The following NFIB variants were observed in gnomAD, a reference collection of about 807,000 sequenced individuals.
NFIB encodes the protein nuclear factor I B, also known as nuclear factor 1 B-type.
In NFIB, 11 loss-of-function variants were observed where a neutral mutation model predicts 61.5. The observed-to-expected ratio is 0.18, with a 90% CI of 0.11 to 0.30. NFIB has a LOEUF of 0.30. Among genes scored for constraint, NFIB ranks in the 10% least tolerant of loss-of-function variants. The pLI is 1.00. For missense variants in NFIB, 471 were observed against 608.9 expected (o/e 0.77, Z 2.38); for synonymous variants, 260 against 216.5 (o/e 1.20, Z -1.76).
chr9:14,262,477 C>T (rs1401628809), intron 2 of NFIB, among the ~76,000 whole-genome samples: 1 of 152,022 alleles, frequency 6.6e-6, no homozygotes, highest in African/African-American at 2.4e-5. Flanking sequence ...TTTGACTGAT[C>T]CAAATTATGG....
the NFIB span, among the ~76,000 whole-genome samples, chr9:14,457,974 T>C: frequency 1.3e-5 from 2 of 152,068 alleles, no homozygotes; most frequent in Admixed American, 6.5e-5. Context: ...CTGAAACTAT[T>C]CCAATCAATA....
At chr9:14,444,689 C>G in the NFIB span, among the ~76,000 whole-genome samples, 1 of 152,138 alleles carries the variant, frequency 6.6e-6, no homozygotes, top group South Asian at 2.1e-4. Context: ...AAATTTTGTC[C>G]TTATCCCCGT....
At chr9:14,509,060 T>C in the NFIB span, among the ~76,000 whole-genome samples, 1 of 152,144 alleles carries the variant, frequency 6.6e-6, no homozygotes, top group East Asian at 1.9e-4. Context: ...TTGAAATGAG[T>C]TGCTTTCCTA....
intron 1 of NFIB, among the ~76,000 whole-genome samples, chr9:14,319,827 T>C (rs2060622901): frequency 6.6e-6 from 1 of 152,170 alleles, no homozygotes; most frequent in Admixed American, 6.5e-5. Flanking sequence ...AATTTCAAAG[T>C]CAAAGCAATG....
the NFIB span, among the ~76,000 whole-genome samples, chr9:14,420,469 A>AAAAAAAAAAG: frequency 6.7e-6 from 1 of 149,416 alleles, no homozygotes; most frequent in African/African-American, 2.5e-5. Context: ...AAAAAAAAAA[A>AAAAAAAAAAG]AGATGCTATC....
chr9:14,277,715 G>A (rs754068436), intron 2 of NFIB, among the ~76,000 whole-genome samples: 1 of 152,056 alleles, frequency 6.6e-6, no homozygotes, highest in East Asian at 1.9e-4. Flanking sequence ...TCAAACAGGG[G>A]GTTCAAATGT....
At chr9:14,337,844 C>A (rs1157150634) in intron 1 of NFIB, among the ~76,000 whole-genome samples, 1 of 152,208 alleles carries the variant, frequency 6.6e-6, no homozygotes, top group African/African-American at 2.4e-5. Flanking sequence ...GCCAAATTCC[C>A]TCAAGGTCAA....
In NFIB at chr9:14,086,335, C is replaced by T. The variant is rs1465787592; in HGVS notation, c.*1974G>A. 4.5e-6 allele frequency: 1 copy of T among 222,036 alleles called. No individual in the cohort carries two copies. Among genetic ancestry groups the T allele is most frequent in the East Asian group, 6.5e-5 (1 of 15,324 alleles). The allele number at this position is 222,036 out of a possible 1,614,324, so 13.8% of individuals were successfully genotyped here. On this transcript the variant is annotated 3_prime_UTR_variant, in exon 11 of 11. Transcript: ENST00000380953. ...CATCACACTGCAAAAATAGCAGTACCCACTTTGGTCAATTAAAACAAACAA... is the reference window on the plus strand; with the variant it reads ...CATCACACTGCAAAAATAGCAGTACTCACTTTGGTCAATTAAAACAAACAA...
the NFIB span, among the ~76,000 whole-genome samples, chr9:14,511,460 G>T: frequency 6.6e-6 from 1 of 151,850 alleles, no homozygotes; most frequent in South Asian, 2.1e-4. Context: ...CAACTATTGA[G>T]TGCTTATTAT....
the NFIB span, among the ~76,000 whole-genome samples, chr9:14,406,358 G>T: frequency 3.7e-4 from 56 of 152,304 alleles, no homozygotes; most frequent in Non-Finnish European, 4.4e-5. Flanking sequence ...ACTCTAGAAG[G>T]GATGTGTTGG....
chr9:14,527,493 A>G, the NFIB span, among the ~76,000 whole-genome samples: 56 of 152,362 alleles, frequency 3.7e-4, 1 homozygote, highest in African/African-American at 1.3e-3. Flanking sequence ...TAATAGCTAT[A>G]TAGTTAGCAA....
At chr9:14,264,307 A>C (rs1013355737) in intron 2 of NFIB, among the ~76,000 whole-genome samples, 4 of 152,094 alleles carry the variant, frequency 2.6e-5, no homozygotes, top group African/African-American at 9.7e-5. Flanking sequence ...GCCTTACTTC[A>C]CCTGCCCAGT....
intron 2 of NFIB, among the ~76,000 whole-genome samples, chr9:14,249,127 G>A (rs1398439732): frequency 6.6e-6 from 1 of 152,148 alleles, no homozygotes; most frequent in Non-Finnish European, 1.5e-5. Context: ...ACTGAAATAA[G>A]AACTTAGTGA....
At chr9:14,521,142 G>T in the NFIB span, among the ~76,000 whole-genome samples, 1 of 152,220 alleles carries the variant, frequency 6.6e-6, no homozygotes, top group East Asian at 1.9e-4. Context: ...GACAAAGAAA[G>T]ATTCAGAAGT....
At chr9:14,335,516 T>G (rs989185770) in intron 1 of NFIB, among the ~76,000 whole-genome samples, 3 of 152,246 alleles carry the variant, frequency 2.0e-5, no homozygotes, top group Admixed American at 6.5e-5. Flanking sequence ...TCAAAACTTT[T>G]TGCCCATTTA....
At chr9:14,499,027 C>CGT in the NFIB span, among the ~76,000 whole-genome samples, 2 of 150,428 alleles carry the variant, frequency 1.3e-5, no homozygotes, top group African/African-American at 2.4e-5. Context: ...CACATGTGCA[C>CGT]GTGTGTGTGT....
chr9:14,340,755 C>G (rs989656018), intron 1 of NFIB, among the ~76,000 whole-genome samples: 2 of 152,188 alleles, frequency 1.3e-5, no homozygotes, highest in African/African-American at 2.4e-5. Context: ...GTATTTATGC[C>G]TGGCATTTTT....
In NFIB at chr9:14,170,345, G is replaced by A. The variant is rs143512832; in HGVS notation, c.616+9382C>T. The stretch of plus-strand genomic sequence containing the variant: ...GAAACTTTGGATGCAGGAGGCCACC[G>A]TAGAAGGAACCTGAGGCCAGGCATG... On this transcript the variant is annotated intron_variant, in intron 3 of 10. Transcript: ENST00000380953. Among the ~76,000 whole-genome samples, 52 of 152,262 alleles carry A rather than the reference G, an allele frequency of 3.4e-4. No individual in the cohort carries two copies. In the East Asian group the frequency reaches 9.3e-3, roughly 27 times the overall value.
intron 1 of NFIB, among the ~76,000 whole-genome samples, chr9:14,360,236 G>A (rs971001026): frequency 5.3e-5 from 8 of 152,264 alleles, no homozygotes; most frequent in East Asian, 1.9e-4. Flanking sequence ...TAAAGCATTC[G>A]ATTCAGGACA....
Sources: gnomAD v4.1 joint callset for allele counts (sites outside exome capture counted in the v4.1 genomes callset) on GRCh38, gnomAD v4.1.1 for gene constraint, MANE v1.5 for transcripts, NCBI Gene and HGNC (gene_info 2026-07-23, HGNC 2026-07-21) for gene names.